The following FAM227B variants were observed in gnomAD, a reference collection of about 807,000 sequenced individuals.
The protein encoded by FAM227B is protein FAM227B.
In FAM227B, 88 loss-of-function variants were observed where a neutral mutation model predicts 73.8. The observed-to-expected ratio is 1.19, with a 90% CI of 1.00 to 1.42. The LOEUF (loss-of-function observed/expected upper bound fraction) is 1.42. FAM227B is among the 40% of genes most tolerant of loss of function. FAM227B has a pLI of 0.00. For synonymous variants in FAM227B, 210 were observed against 190.5 expected (o/e 1.10, Z -0.84); for missense variants, 632 against 590.9 (o/e 1.07, Z -0.72).
chr15:49,544,297 A>C (rs918672924), intron 9 of FAM227B, among the ~76,000 whole-genome samples: 5 of 151,934 alleles, frequency 3.3e-5, no homozygotes, highest in African/African-American at 1.2e-4. Flanking sequence ...TCTTCATTTG[A>C]TTCTCAGCTT....
At chr15:49,493,637 T>C (rs984471076) in intron 11 of FAM227B, among the ~76,000 whole-genome samples, 3 of 151,940 alleles carry the variant, frequency 2.0e-5, no homozygotes, top group African/African-American at 7.2e-5. Flanking sequence ...AATCTAGCAT[T>C]TAGAGAATTT....
intron 11 of FAM227B, among the ~76,000 whole-genome samples, chr15:49,409,097 G>C (rs1383080670): frequency 6.6e-6 from 1 of 152,128 alleles, no homozygotes; most frequent in Non-Finnish European, 1.5e-5. Context: ...TAAAGATTGA[G>C]TTTAGTATTA....
chr15:49,543,026 T>C (rs1233868105), intron 9 of FAM227B, among the ~76,000 whole-genome samples: 1 of 152,206 alleles, frequency 6.6e-6, no homozygotes, highest in Non-Finnish European at 1.5e-5. Flanking sequence ...AGATACCCAG[T>C]AGTGGGATTG....
intron 2 of FAM227B, chr15:49,614,883 G>GGGAGAT: frequency 2.1e-6 from 1 of 478,930 alleles, no homozygotes. Flanking sequence ...TAGTCAGTCA[G>GGGAGAT]GGAGATGGAT....
At chr15:49,416,500 C>A (rs2049222266) in intron 11 of FAM227B, among the ~76,000 whole-genome samples, 3 of 151,940 alleles carry the variant, frequency 2.0e-5, no homozygotes, top group Admixed American at 2.0e-4. Flanking sequence ...TATTTGAAGT[C>A]CGAGTCAGAA....
At chr15:49,584,172 A>G (rs2075999212) in intron 5 of FAM227B, among the ~76,000 whole-genome samples, 1 of 152,212 alleles carries the variant, frequency 6.6e-6, no homozygotes, top group East Asian at 1.9e-4. Context: ...ACCACAATCA[A>G]GTAGGCTTTA....
chr15:49,541,627 C>T lies in FAM227B; in HGVS notation c.874+53G>A, dbSNP rs2071082585. On this transcript the variant is annotated intron_variant, in intron 10 of 15. Transcript: ENST00000299338. ...ATGGAATAAATAAAATACTGCAACCCCAAAATTTTAGAAACCAAAACAATG... is the reference window on the plus strand; with the variant it reads ...ATGGAATAAATAAAATACTGCAACCTCAAAATTTTAGAAACCAAAACAATG... 2.3e-6 allele frequency: 3 copies of T among 1,326,000 alleles called. No individual in the cohort carries two copies. The South Asian group carries it at 8.5e-5, about 37-fold the overall frequency. 82.1% of individuals were successfully genotyped at this position (1,326,000 alleles called of 1,614,324 possible).
intron 10 of FAM227B, among the ~76,000 whole-genome samples, chr15:49,539,813 C>G (rs1240624401): frequency 6.6e-6 from 1 of 152,142 alleles, no homozygotes. Flanking sequence ...GGCTGTAGAG[C>G]TAGAATTTAA....
chr15:49,528,308 A>T (rs949835280), intron 10 of FAM227B, among the ~76,000 whole-genome samples: 2 of 151,888 alleles, frequency 1.3e-5, no homozygotes, highest in Admixed American at 6.6e-5. Context: ...GCAGAAAACG[A>T]AACTGGACCC....
intron 11 of FAM227B, among the ~76,000 whole-genome samples, chr15:49,494,256 A>ACACAC (rs1467706350): frequency 7.1e-6 from 1 of 140,606 alleles, no homozygotes; most frequent in African/African-American, 2.6e-5. Flanking sequence ...GAGACACACA[A>ACACAC]ACACACACAC....
intron 9 of FAM227B, among the ~76,000 whole-genome samples, chr15:49,550,258 C>A (rs1176246147): frequency 2.1e-5 from 3 of 145,212 alleles, no homozygotes; most frequent in Non-Finnish European, 4.6e-5. Flanking sequence ...GGCAGAGGGG[C>A]TCCTCACTTC....
chr15:49,434,982 T>A (rs998047987), intron 11 of FAM227B, among the ~76,000 whole-genome samples: 1 of 151,598 alleles, frequency 6.6e-6, no homozygotes, highest in African/African-American at 2.4e-5. Flanking sequence ...ATTTTTCACT[T>A]TTTTATGATA....
intron 11 of FAM227B, among the ~76,000 whole-genome samples, chr15:49,447,959 A>T (rs1231273787): frequency 1.3e-5 from 2 of 151,752 alleles, no homozygotes; most frequent in Admixed American, 1.3e-4. Context: ...TACTTCTGCA[A>T]CCAGAGAAGA....
rs917333380 is a variant in FAM227B, at chr15:49,590,656, C to T, written c.106-649G>A. Among the ~76,000 whole-genome samples the T allele has an allele frequency of 2.0e-5, 3 of 152,182 alleles. No individual in the cohort carries two copies. The East Asian group carries it at 5.8e-4, about 29-fold the overall frequency. On this transcript the variant is annotated intron_variant, in intron 3 of 15. Transcript: ENST00000299338. The stretch of plus-strand genomic sequence containing the variant: ...CTGCCAAAAAGGTAATTAACATATC[C>T]ATCACCTCACAGAGTTTATGTGTTG...
chr15:49,362,761 T>C (rs1461867499), intron 13 of FAM227B, among the ~76,000 whole-genome samples: 1 of 105,892 alleles, frequency 9.4e-6, no homozygotes, highest in Admixed American at 9.3e-5. Flanking sequence ...GGTTTAGGTC[T>C]TACACTTAAG....
chr15:49,539,023 GCATTAATGTCTGCA>G (rs1485823063), intron 10 of FAM227B, among the ~76,000 whole-genome samples: 1 of 152,038 alleles, frequency 6.6e-6, no homozygotes, highest in Non-Finnish European at 1.5e-5. Flanking sequence ...TTTTTGCCTT[GCATTAATGTCTGCA>G]CATTTGATGG....
intron 13 of FAM227B, among the ~76,000 whole-genome samples, chr15:49,340,413 TC>T (rs1185588384): frequency 0.013 from 849 of 64,488 alleles, 4 homozygotes; most frequent in African/African-American, 0.038. Flanking sequence ...GCCCCCCCCC[TC>T]CCCCCCCCGC....
At chr15:49,539,423 T>C (rs2070740508) in intron 10 of FAM227B, among the ~76,000 whole-genome samples, 1 of 152,210 alleles carries the variant, frequency 6.6e-6, no homozygotes, top group Non-Finnish European at 1.5e-5. Context: ...CAGTGTCTGA[T>C]GTTCAGTGCC....
At chr15:49,363,358 C>T (rs2044583350) in intron 13 of FAM227B, among the ~76,000 whole-genome samples, 2 of 152,022 alleles carry the variant, frequency 1.3e-5, no homozygotes, top group Non-Finnish European at 2.9e-5. Flanking sequence ...TAGCTGTATT[C>T]CTAGGTATTT....
Sources: allele counts gnomAD v4.1 joint callset (sites outside exome capture counted in the v4.1 genomes callset), GRCh38; gene constraint gnomAD v4.1.1; transcripts MANE v1.5; gene names NCBI Gene and HGNC (gene_info 2026-07-23, HGNC 2026-07-21).